The following SLC26A4 variants were observed in gnomAD, a reference collection of about 807,000 sequenced individuals.
SLC26A4 encodes the protein solute carrier family 26 member 4, also known as pendrin.
In SLC26A4, 93 loss-of-function variants were observed where a neutral mutation model predicts 90.4. The ratio of observed to expected loss-of-function variants is 1.03; its 90% confidence interval spans 0.87 to 1.22. The LOEUF (loss-of-function observed/expected upper bound fraction) is 1.22. Among genes scored for constraint, SLC26A4 ranks in the 50% most tolerant of loss-of-function variants. The pLI is 0.00. For synonymous variants in SLC26A4, 393 were observed against 354.6 expected (o/e 1.11, Z -1.22); for missense variants, 1,127 against 946.2 (o/e 1.19, Z -2.51).
intron 6 of SLC26A4, 93 bp from the exon 7 acceptor site, chr7:107,683,109 A>G: frequency 1.1e-6 from 1 of 932,808 alleles, no homozygotes; most frequent in Non-Finnish European, 1.7e-6. Context: ...ATGTGGGAAG[A>G]TTCATATGAG....
chr7:107,661,819 G>C lies in SLC26A4; in HGVS notation c.164+14G>C, dbSNP rs965791788. The C allele has an allele frequency of 1.3e-6, 2 of 1,533,702 alleles. No homozygotes were observed. Among genetic ancestry groups the C allele is most frequent in the Non-Finnish European group, 1.7e-6 (2 of 1,145,304 alleles). Reference sequence around the variant, plus strand: ...CAAGTGCTGCAGGTAGCGGCCGCGCGGGCCTGCGTAGAGAGAAGCGGAGCG... The same window carrying C: ...CAAGTGCTGCAGGTAGCGGCCGCGCCGGCCTGCGTAGAGAGAAGCGGAGCG... On this transcript the variant is annotated intron_variant, in intron 2 of 20. Coordinates refer to ENST00000644269, the MANE Select transcript of SLC26A4 (RefSeq NM_000441.2). This position sits in a 1 kb window ranked among gnomAD's most constrained non-coding sequence, Gnocchi z 5.1.
Position 107,661,305 on chromosome 7 carries a change from G to T in SLC26A4, c.-3-334G>T. ...CGGTTTGGGGGAGATTTCAGAACGCGGACAGCGCCCTGGCTGCGGGCCATA... is the reference window on the plus strand; with the variant it reads ...CGGTTTGGGGGAGATTTCAGAACGCTGACAGCGCCCTGGCTGCGGGCCATA... On this transcript the variant is annotated intron_variant, in intron 1 of 20. Coordinates refer to ENST00000644269, the MANE Select transcript of SLC26A4 (RefSeq NM_000441.2). This position sits in a 1 kb window ranked among gnomAD's most constrained non-coding sequence, Gnocchi z 5.1. 1 of 413,734 alleles carries T rather than the reference G, an allele frequency of 2.4e-6. No homozygotes were observed. Among genetic ancestry groups the T allele is most frequent in the Non-Finnish European group, 4.4e-6 (1 of 227,270 alleles). The allele number at this position is 413,734 out of a possible 1,614,324, so 25.6% of individuals were successfully genotyped here. A position where few individuals can be genotyped will look rare whatever the true frequency, so the allele number is the denominator to read the frequency against.
intron 8 of SLC26A4, among the ~76,000 whole-genome samples, chr7:107,683,821 T>A (rs1195121143): frequency 6.6e-6 from 1 of 152,180 alleles, no homozygotes; most frequent in Non-Finnish European, 1.5e-5. Context: ...AACTTATACA[T>A]AACATTATAA....
intron 10 of SLC26A4, 69 bp from the exon 11 acceptor site, chr7:107,694,334 A>C (rs1791672035): frequency 7.7e-6 from 9 of 1,169,192 alleles, no homozygotes; most frequent in Non-Finnish European, 1.0e-5. Flanking sequence ...TCTCATACAC[A>C]CATCCAGTGA....
intron 13 of SLC26A4, among the ~76,000 whole-genome samples, chr7:107,697,627 C>T (rs1791775723): frequency 6.6e-6 from 1 of 152,224 alleles, no homozygotes; most frequent in Non-Finnish European, 1.5e-5. Flanking sequence ...GGGTTAAAGA[C>T]AGAGGCTCTG....
chr7:107,701,013 T>A lies in SLC26A4; in HGVS notation c.1708-88T>A, dbSNP rs184465758. 7 of 837,568 alleles carry A rather than the reference T, an allele frequency of 8.4e-6. No individual in the cohort carries two copies. In the East Asian group the frequency reaches 1.7e-4, roughly 21 times the overall value. 51.9% of individuals were successfully genotyped at this position (837,568 alleles called of 1,614,324 possible). ...CAGGATAGCTCAAGGAATTATACCCTTTGAGAAATAGCCTTTCCAGATAAC... is the reference window on the plus strand; with the variant it reads ...CAGGATAGCTCAAGGAATTATACCCATTGAGAAATAGCCTTTCCAGATAAC... On this transcript the variant is annotated intron_variant, in intron 15 of 20. Transcript: ENST00000644269.
rs76820337 is a variant in SLC26A4 at position 107,717,243 on chromosome 7, G to C, written c.*1797G>C. On this transcript the variant is annotated 3_prime_UTR_variant, in exon 21 of 21. Coordinates refer to ENST00000644269, the MANE Select transcript of SLC26A4 (RefSeq NM_000441.2). ...CTAGCGTGGTGGCTGGCGGGCGCCT[G>C]TAGTCCCAGCTATTTGGGAGGCTAA... 6,278 of 152,134 alleles carry C rather than the reference G, an allele frequency of 0.041. 429 individuals carry two copies. Among genetic ancestry groups the C allele is most frequent in the African/African-American group, 0.14 (5,937 of 41,428 alleles). The allele number at this position is 152,134 out of a possible 1,614,324, so 9.4% of individuals were successfully genotyped here. A position where few individuals can be genotyped will look rare whatever the true frequency, so the allele number is the denominator to read the frequency against.
chr7:107,699,904 C>T (rs375912308), intron 14 of SLC26A4, among the ~76,000 whole-genome samples, 179 bp from the exon 15 acceptor site: 9 of 147,274 alleles, frequency 6.1e-5, no homozygotes, highest in Admixed American at 2.7e-4. Flanking sequence ...CTCCAGCCTG[C>T]GCAACAGAGT....
At chr7:107,686,431 T>TTCTA (rs1791418050) in intron 8 of SLC26A4, among the ~76,000 whole-genome samples, 1 of 88,408 alleles carries the variant, frequency 1.1e-5, no homozygotes, top group Non-Finnish European at 2.1e-5. Context: ...CTTTCTTTCT[T>TTCTA]TCTTTCTTTC....
chr7:107,661,969 C>A lies in SLC26A4; in HGVS notation c.164+164C>A. 1 of 736,830 alleles carries A rather than the reference C, an allele frequency of 1.4e-6. No homozygotes were observed. Among genetic ancestry groups the A allele is most frequent in the Non-Finnish European group, 2.2e-6 (1 of 463,186 alleles). The allele number at this position is 736,830 out of a possible 1,614,324, so 45.6% of individuals were successfully genotyped here. On this transcript the variant is annotated intron_variant, in intron 2 of 20. Transcript: ENST00000644269. This position sits in a 1 kb window ranked among gnomAD's most constrained non-coding sequence, Gnocchi z 5.1. ...GACTTTCGGTCTCCGGTCCTCCACG[C>A]CGCCCTTCTGGTGGGAGGGTGGCTC...
Position 107,716,926 on chromosome 7 carries a change from A to C in SLC26A4, c.*1480A>C, listed in dbSNP as rs768758896. 2.0e-5 allele frequency: 3 copies of C among 152,240 alleles called. No homozygotes were observed. The highest frequency in any genetic ancestry group is 4.4e-5 in the Non-Finnish European group (3 of 68,046). 9.4% of individuals were successfully genotyped at this position (152,240 alleles called of 1,614,324 possible). On this transcript the variant is annotated 3_prime_UTR_variant, in exon 21 of 21. Coordinates refer to ENST00000644269, the MANE Select transcript of SLC26A4 (RefSeq NM_000441.2). ...CAGAAACAATGTGTCTATTTCTGAA[A>C]GAATAGGATTAATGATCATACAAAT...
intron 18 of SLC26A4, among the ~76,000 whole-genome samples, chr7:107,708,674 T>C (rs575449395): frequency 1.6e-3 from 244 of 152,002 alleles, no homozygotes; most frequent in Non-Finnish European, 2.8e-3. Context: ...AGCAACATGG[T>C]GAGACCCCGT....
In SLC26A4 at chr7:107,701,850, T is replaced by G. The variant is rs201446262; in HGVS notation, c.1827T>G (p.Val609=). 6.2e-7 allele frequency: 1 copy of G among 1,610,556 alleles called. No individual in the cohort carries two copies. The highest frequency in any genetic ancestry group is 2.2e-5 in the East Asian group (1 of 44,854). The change falls in exon 17 of 21, where the codon GTT becomes GTG. Residue 609 remains valine (V), a synonymous_variant. Transcript: ENST00000644269. ...AGAATGGCATCATAAGTGATGCTGT[T>G]TCAACAAATAATGCTTTTGAGCCTG... ...ATKNGIISDA[V]STNNAFEPDE...
Position 107,704,323 on chromosome 7 carries a change from A to T in SLC26A4, c.2035-8A>T, listed in dbSNP as rs771627871. The stretch of plus-strand genomic sequence containing the variant: ...TAATTGTTACAAACTCTCCTTTTTT[A>T]TTTTTAGATTGTCAAAGAATTCCAA... On this transcript the variant is annotated splice_polypyrimidine_tract_variant and splice_region_variant and intron_variant, in intron 17 of 20. Coordinates refer to ENST00000644269, the MANE Select transcript of SLC26A4 (RefSeq NM_000441.2). 6 of 1,296,684 alleles carry T rather than the reference A, an allele frequency of 4.6e-6. No homozygotes were observed. The highest frequency in any genetic ancestry group is 1.4e-5 in the African/African-American group (1 of 69,070). 80.3% of individuals were successfully genotyped at this position (1,296,684 alleles called of 1,614,324 possible). A position where few individuals can be genotyped will look rare whatever the true frequency, so the allele number is the denominator to read the frequency against.
chr7:107,688,205 C>A (rs938974077), intron 8 of SLC26A4, among the ~76,000 whole-genome samples: 12 of 152,176 alleles, frequency 7.9e-5, no homozygotes, highest in African/African-American at 1.4e-4. Flanking sequence ...TCTCTAAGAA[C>A]CTTATTTCTA....
Position 107,700,187 on chromosome 7 carries a change from ATCC to A in SLC26A4, c.1707+13_1707+15del. 1 of 1,367,970 alleles carries A rather than the reference ATCC, an allele frequency of 7.3e-7. No individual in the cohort carries two copies. The highest frequency in any genetic ancestry group is 1.2e-5 in the South Asian group (1 of 86,036). 84.7% of individuals were successfully genotyped at this position (1,367,970 alleles called of 1,614,324 possible). A position where few individuals can be genotyped will look rare whatever the true frequency, so the allele number is the denominator to read the frequency against. On this transcript the variant is annotated intron_variant, in intron 15 of 20. Transcript: ENST00000644269. ...GTATCAAGTCCACAGTAAGTATTTTATCCCTAGAAATTTGTTTTCTAACCTCTT... is the reference window on the plus strand; with the variant it reads ...GTATCAAGTCCACAGTAAGTATTTTACTAGAAATTTGTTTTCTAACCTCTT...
rs1205802067 is a variant in SLC26A4, at chr7:107,661,411, A to G, written c.-3-228A>G. 6.7e-6 allele frequency: 4 copies of G among 596,774 alleles called. No individual in the cohort carries two copies. Among genetic ancestry groups the G allele is most frequent in the Non-Finnish European group, 1.2e-5 (4 of 335,116 alleles). 37.0% of individuals were successfully genotyped at this position (596,774 alleles called of 1,614,324 possible). ...TTGGGGAACCCCGGGCAGCGGGTGC[A>G]GGCCACGAGACCCGAAGGTTCTCAG... On this transcript the variant is annotated intron_variant, in intron 1 of 20. Coordinates refer to ENST00000644269, the MANE Select transcript of SLC26A4 (RefSeq NM_000441.2). The surrounding 1 kb of genome is among the most constrained non-coding windows in gnomAD (Gnocchi z 5.1).
chr7:107,683,607 C>A (rs551824016), intron 8 of SLC26A4, 70 bp downstream of exon 8: 3 of 1,196,270 alleles, frequency 2.5e-6, no homozygotes, highest in Non-Finnish European at 2.5e-6. Context: ...TTAAATAAAA[C>A]CTTTTATTAC....
chr7:107,680,367 CTTA>C (rs1457488800), intron 6 of SLC26A4, among the ~76,000 whole-genome samples: 90 of 134,806 alleles, frequency 6.7e-4, no homozygotes, highest in Middle Eastern at 0.012. Flanking sequence ...ATAATCTTAT[CTTA>C]TTATATAATG....
Sources: allele counts gnomAD v4.1 joint callset (sites outside exome capture counted in the v4.1 genomes callset), GRCh38; gene constraint gnomAD v4.1.1; non-coding constraint Gnocchi (gnomAD v3.1); transcripts MANE v1.5; gene names NCBI Gene and HGNC (gene_info 2026-07-23, HGNC 2026-07-21).